The following SENP7 variants were observed in gnomAD, a reference collection of about 807,000 sequenced individuals.
SENP7 encodes SUMO specific peptidase 7, also known as sentrin-specific protease 7.
SENP7 carries 64 observed loss-of-function variants against 141.2 expected under a neutral mutation model. That is an observed-to-expected ratio of 0.45 (90% CI 0.37 to 0.56). SENP7 has a LOEUF of 0.56. Among genes scored for constraint, SENP7 ranks in the 20% least tolerant of loss-of-function variants. The pLI, the probability that SENP7 is intolerant of heterozygous loss-of-function variation, is 0.00. For synonymous variants in SENP7, 382 were observed against 426.4 expected (o/e 0.90, Z 1.28); for missense variants, 1,025 against 1,212.2 (o/e 0.85, Z 2.29).
Position 101,347,979 on chromosome 3 carries a change from T to G in SENP7, c.1730A>C (p.Asp577Ala). Residue 577 changes from aspartate (D) to alanine (A), a missense_variant, in exon 13 of 24, where the codon GAT becomes GCT. By Grantham distance (126) the Asp-to-Ala change is moderately radical. Coordinates refer to ENST00000394095, the MANE Select transcript of SENP7 (RefSeq NM_020654.5). ...LKRFGLWKSKDDNHSKRSHAI... is the reference protein window; with the variant it reads ...LKRFGLWKSKADNHSKRSHAI... The stretch of plus-strand genomic sequence containing the variant: ...ATGACTCCTTTTACTGTGATTATCA[T>G]CCTTACTTTTCCATAACCCAAACCG... The G allele has an allele frequency of 6.2e-7, 1 of 1,611,672 alleles. No individual in the cohort carries two copies. The highest frequency in any genetic ancestry group is 8.5e-7 in the Non-Finnish European group (1 of 1,178,352).
chr3:101,398,268 G>A (rs989534188), intron 6 of SENP7, among the ~76,000 whole-genome samples: 27 of 152,258 alleles, frequency 1.8e-4, no homozygotes, highest in African/African-American at 5.5e-4. Context: ...GACCATCCTG[G>A]CTAACACGGT....
intron 3 of SENP7, among the ~76,000 whole-genome samples, chr3:101,488,840 C>T (rs1293785781): frequency 2.0e-5 from 3 of 152,178 alleles, no homozygotes; most frequent in East Asian, 1.9e-4. Context: ...GCCTTGCCTG[C>T]GCCAAGGCAC....
At chr3:101,356,690 C>CAT (rs1211119540) in intron 11 of SENP7, among the ~76,000 whole-genome samples, 1 of 151,648 alleles carries the variant, frequency 6.6e-6, no homozygotes, top group Non-Finnish European at 1.5e-5. Context: ...AATATATTTT[C>CAT]ATATAAACTC....
chr3:101,414,188 T>C, intron 5 of SENP7: 2 of 572,408 alleles, frequency 3.5e-6, no homozygotes, highest in South Asian at 4.2e-5. Context: ...TAACTATATA[T>C]GGCCGCACAG....
rs193097413 is a variant in SENP7 at position 101,369,908 on chromosome 3, A to G, written c.797-1897T>C. ...AAGAGGTGACAAAATCCTGTAAACA[A>G]AAGAATACTAAGTATTTCCAAGGTA... On this transcript the variant is annotated intron_variant, in intron 7 of 23. Coordinates refer to ENST00000394095, the MANE Select transcript of SENP7 (RefSeq NM_020654.5). Among the ~76,000 whole-genome samples the G allele has an allele frequency of 2.8e-3, 421 of 152,354 alleles. 1 individual carries two copies. Among genetic ancestry groups the G allele is most frequent in the African/African-American group, 9.7e-3 (404 of 41,584 alleles).
intron 4 of SENP7, among the ~76,000 whole-genome samples, chr3:101,424,119 C>T (rs2061875335): frequency 1.3e-5 from 2 of 152,146 alleles, no homozygotes; most frequent in Admixed American, 1.3e-4. Flanking sequence ...CCTGACCATC[C>T]TTGGTCTGTG....
intron 4 of SENP7, among the ~76,000 whole-genome samples, chr3:101,445,410 G>A (rs191228836): frequency 1.2e-3 from 179 of 151,920 alleles, no homozygotes; most frequent in Non-Finnish European, 2.0e-3. Flanking sequence ...TGGAAGAGCA[G>A]ACACAAATGA....
rs113925964 is a variant in SENP7, at chr3:101,458,908, A to G, written c.284+47T>C. 2.5e-3 allele frequency: 2,838 copies of G among 1,133,170 alleles called. 47 individuals are homozygous for G. In the African/African-American group the frequency reaches 0.038, roughly 15 times the overall value. The allele number at this position is 1,133,170 out of a possible 1,614,324, so 70.2% of individuals were successfully genotyped here. ...AGCTTAAATGAATCATTTATGGTCAACTTTATAGGTTAAGCCCATACTATG... is the reference window on the plus strand; with the variant it reads ...AGCTTAAATGAATCATTTATGGTCAGCTTTATAGGTTAAGCCCATACTATG... On this transcript the variant is annotated intron_variant, in intron 4 of 23. Transcript: ENST00000394095.
chr3:101,437,940 CAG>C (rs940629824), intron 4 of SENP7, among the ~76,000 whole-genome samples: 91 of 146,934 alleles, frequency 6.2e-4, no homozygotes, highest in African/African-American at 2.0e-3. Flanking sequence ...AAAAAAAAAA[CAG>C]AAAGTAACAA....
intron 2 of SENP7, among the ~76,000 whole-genome samples, chr3:101,500,076 CTCA>C (rs1267515886): frequency 1.3e-5 from 2 of 152,196 alleles, no homozygotes; most frequent in Non-Finnish European, 2.9e-5. Context: ...TTGATTTCCT[CTCA>C]TTGTCTTCCT....
chr3:101,450,321 A>G (rs1281141898), intron 4 of SENP7, among the ~76,000 whole-genome samples: 2 of 152,166 alleles, frequency 1.3e-5, no homozygotes, highest in East Asian at 3.8e-4. Flanking sequence ...GAAAGTTAAC[A>G]AGGATATCCA....
chr3:101,377,366 C>T (rs950109035), intron 6 of SENP7, among the ~76,000 whole-genome samples: 1 of 152,064 alleles, frequency 6.6e-6, no homozygotes, highest in South Asian at 2.1e-4. Flanking sequence ...CAAAAACCCA[C>T]AAGCAGAAAC....
chr3:101,437,558 A>T (rs569020844), intron 4 of SENP7, among the ~76,000 whole-genome samples: 1 of 152,288 alleles, frequency 6.6e-6, no homozygotes, highest in East Asian at 1.9e-4. Flanking sequence ...AGAATAAAAA[A>T]TAAAATAGCT....
At position 101,335,198 on chromosome 3, in the gene SENP7, A is replaced by C. The variant is rs143458824; in HGVS notation, c.2480+2311T>G. On this transcript the variant is annotated intron_variant, in intron 17 of 23. Coordinates refer to ENST00000394095, the MANE Select transcript of SENP7 (RefSeq NM_020654.5). ...GCATATTTGAAAATGGAAATGAGGT[A>C]GGTTGAACTTAAGTATGGTAAATGA... is the stretch of plus-strand genomic sequence containing the variant. 8.3e-4 allele frequency among the ~76,000 whole-genome samples: 127 copies of C among 152,302 alleles called. 1 individual carries two copies. Among genetic ancestry groups the C allele is most frequent in the East Asian group, 3.5e-3 (18 of 5,184 alleles).
intron 4 of SENP7, among the ~76,000 whole-genome samples, chr3:101,422,993 A>T (rs1260214958): frequency 6.6e-6 from 1 of 152,172 alleles, no homozygotes; most frequent in Non-Finnish European, 1.5e-5. Flanking sequence ...ATTCTCCCTC[A>T]GACTTGGAGT....
chr3:101,398,050 C>G (rs2061021073), intron 6 of SENP7, among the ~76,000 whole-genome samples: 1 of 152,156 alleles, frequency 6.6e-6, no homozygotes, highest in African/African-American at 2.4e-5. Context: ...TTCAGCTTTT[C>G]CATTTGTTAA....
intron 6 of SENP7, among the ~76,000 whole-genome samples, chr3:101,381,048 A>G (rs1409923194): frequency 1.3e-5 from 2 of 152,236 alleles, no homozygotes; most frequent in South Asian, 2.1e-4. Context: ...TCATTTTTCT[A>G]AAGTTCACAA....
chr3:101,482,201 T>A (rs1285656297), intron 3 of SENP7, among the ~76,000 whole-genome samples: 2 of 151,598 alleles, frequency 1.3e-5, no homozygotes, highest in African/African-American at 4.9e-5. Flanking sequence ...TAGTCCCAAC[T>A]ACTCGGGAGG....
chr3:101,502,648 T>A (rs909510087), intron 1 of SENP7, among the ~76,000 whole-genome samples: 1 of 148,210 alleles, frequency 6.7e-6, no homozygotes, highest in African/African-American at 2.5e-5. Flanking sequence ...GGCACAGTGG[T>A]TCATGCCTGT....
Sources: allele counts gnomAD v4.1 joint callset (sites outside exome capture counted in the v4.1 genomes callset), GRCh38; gene constraint gnomAD v4.1.1; transcripts MANE v1.5; gene names NCBI Gene and HGNC (gene_info 2026-07-23, HGNC 2026-07-21).